The following NTM variants were observed in gnomAD, a reference collection of about 807,000 sequenced individuals.
NTM encodes neurotrimin.
NTM carries 13 observed loss-of-function variants against 42.1 expected under a neutral mutation model. The observed-to-expected ratio is 0.31, with a 90% confidence interval of 0.20 to 0.49. The LOEUF is 0.49. NTM is among the 20% of genes least tolerant of loss of function. The pLI, the probability that NTM is intolerant of heterozygous loss-of-function variation, is 0.99. For synonymous variants in NTM, 187 were observed against 179.2 expected, an observed-to-expected ratio of 1.04 and a Z score of -0.35; for missense variants, 373 against 452.8, an observed-to-expected ratio of 0.82 and a Z score of 1.60.
At chr11:131,612,167 A>G (rs1468048775) in intron 1 of NTM, among the ~76,000 whole-genome samples, 4 of 152,208 alleles carry the variant, frequency 2.6e-5, no homozygotes, top group African/African-American at 9.6e-5. Context: ...CCAGCCATGT[A>G]CATGGGCCAC....
intron 3 of NTM, among the ~76,000 whole-genome samples, chr11:132,174,719 A>G (rs1215986529): frequency 6.7e-6 from 1 of 150,032 alleles, no homozygotes; most frequent in Non-Finnish European, 1.5e-5. Flanking sequence ...TGCTTCCTCG[A>G]CGGCTGGGCT....
intron 1 of NTM, among the ~76,000 whole-genome samples, chr11:131,484,430 G>A (rs528656658): frequency 1.3e-5 from 2 of 152,170 alleles, no homozygotes; most frequent in Admixed American, 6.5e-5. Context: ...CTTTGAATTT[G>A]CCAGTTAAAG....
chr11:131,641,703 GTTTC>G (rs1286374118), intron 1 of NTM, among the ~76,000 whole-genome samples: 4 of 151,124 alleles, frequency 2.6e-5, no homozygotes, highest in Non-Finnish European at 5.9e-5. Context: ...GGATAACTGA[GTTTC>G]TTTAAAGCTC....
At chr11:131,490,293 G>A (rs1420762779) in intron 1 of NTM, among the ~76,000 whole-genome samples, 1 of 152,174 alleles carries the variant, frequency 6.6e-6, no homozygotes, top group East Asian at 1.9e-4. Context: ...TGCTACATGA[G>A]CTCAAAGCCA....
chr11:131,485,518 C>T (rs1212868811), intron 1 of NTM, among the ~76,000 whole-genome samples: 1 of 152,168 alleles, frequency 6.6e-6, no homozygotes, highest in African/African-American at 2.4e-5. Context: ...TGTCCCAGAG[C>T]CCCTGAAAAA....
At chr11:132,276,482 A>C (rs916457148) in intron 4 of NTM, among the ~76,000 whole-genome samples, 1 of 152,124 alleles carries the variant, frequency 6.6e-6, no homozygotes, top group African/African-American at 2.4e-5. Flanking sequence ...CAGTTTCCTA[A>C]ATTTATAAAA....
chr11:132,294,458 A>G (rs1357010584), intron 4 of NTM, among the ~76,000 whole-genome samples: 1 of 152,224 alleles, frequency 6.6e-6, no homozygotes, highest in Middle Eastern at 3.2e-3. Context: ...ATAAAAAATA[A>G]CTTAAAACTC....
At chr11:132,140,447 A>G (rs2068860889) in intron 2 of NTM, among the ~76,000 whole-genome samples, 1 of 152,142 alleles carries the variant, frequency 6.6e-6, no homozygotes, top group Non-Finnish European at 1.5e-5. Context: ...TTCTTATGTC[A>G]TGCAAAAATG....
At chr11:131,404,382 C>T (rs1246028878) in intron 1 of NTM, among the ~76,000 whole-genome samples, 3 of 152,168 alleles carry the variant, frequency 2.0e-5, no homozygotes, top group African/African-American at 4.8e-5. Context: ...GGCATCGCGC[C>T]GTCCTGGCTT....
chr11:131,654,528 T>C (rs542751480), intron 1 of NTM, among the ~76,000 whole-genome samples: 1 of 152,102 alleles, frequency 6.6e-6, no homozygotes, highest in African/African-American at 2.4e-5. Context: ...CACCCAGTCA[T>C]ATAGTTGGGT....
chr11:131,704,014 G>A (rs2076331490), intron 1 of NTM, among the ~76,000 whole-genome samples: 1 of 152,150 alleles, frequency 6.6e-6, no homozygotes, highest in Admixed American at 6.5e-5. Flanking sequence ...ATCAGCACTA[G>A]TGACTCCAGA....
At chr11:132,308,987 A>C (rs2140197639) in intron 5 of NTM, among the ~76,000 whole-genome samples, 1 of 152,358 alleles carries the variant, frequency 6.6e-6, no homozygotes, top group Middle Eastern at 3.4e-3. Context: ...TTGCTAAAGC[A>C]AAGAGGGAAA....
intron 2 of NTM, among the ~76,000 whole-genome samples, chr11:132,044,147 CGTGT>C (rs567597547): frequency 6.5e-5 from 3 of 45,830 alleles, no homozygotes; most frequent in African/African-American, 2.0e-4. Flanking sequence ...TGTGTATGTG[CGTGT>C]GTGTGTGTGT....
At chr11:131,774,807 A>T (rs1044559613) in intron 1 of NTM, among the ~76,000 whole-genome samples, 4 of 152,198 alleles carry the variant, frequency 2.6e-5, no homozygotes, top group African/African-American at 9.6e-5. Context: ...CTCTTCCTAG[A>T]TGCATGTGCC....
chr11:131,687,103 G>C (rs1292328718), intron 1 of NTM, among the ~76,000 whole-genome samples: 1 of 152,092 alleles, frequency 6.6e-6, no homozygotes, highest in African/African-American at 2.4e-5. Context: ...AGGACTCAGG[G>C]GCAGGTCAGG....
intron 1 of NTM, among the ~76,000 whole-genome samples, chr11:131,715,376 C>T (rs755611719): frequency 3.9e-5 from 6 of 152,098 alleles, no homozygotes; most frequent in Admixed American, 6.5e-5. Context: ...GAGGTGAGAA[C>T]GGGACAAATA....
chr11:132,248,743 C>T (rs532240429), intron 4 of NTM, among the ~76,000 whole-genome samples: 38 of 152,322 alleles, frequency 2.5e-4, no homozygotes, highest in Non-Finnish European at 5.3e-4. Context: ...ATTCAGTGTG[C>T]CCATTGATGC....
At chr11:131,959,613 G>A (rs2061920947) in intron 2 of NTM, among the ~76,000 whole-genome samples, 1 of 152,208 alleles carries the variant, frequency 6.6e-6, no homozygotes. Flanking sequence ...TCCAGCCTGA[G>A]TGACAGAGTG....
chr11:132,290,941 AT>A (rs2094436363), intron 4 of NTM, among the ~76,000 whole-genome samples: 1 of 152,194 alleles, frequency 6.6e-6, no homozygotes, highest in South Asian at 2.1e-4. Flanking sequence ...TTCTTCTAGA[AT>A]TATGAGTTGT....
Sources: gnomAD v4.1 joint callset for allele counts (sites outside exome capture counted in the v4.1 genomes callset) on GRCh38, gnomAD v4.1.1 for gene constraint, MANE v1.5 for transcripts, NCBI Gene and HGNC (gene_info 2026-07-23, HGNC 2026-07-21) for gene names.